MALRD1: variants seen among roughly 807,000 people sequenced by gnomAD.
MALRD1 encodes MAM and LDL receptor class A domain containing 1.
MALRD1 carries 247 observed loss-of-function variants against 242.1 expected under a neutral mutation model. That is an observed-to-expected ratio of 1.02 (90% CI 0.92 to 1.13). The LOEUF (loss-of-function observed/expected upper bound fraction) is 1.13, where lower values mean the gene tolerates loss of function less well. MALRD1 is among the 50% of genes most tolerant of loss of function. The pLI is 0.00. For synonymous variants in MALRD1, 995 were observed against 866.6 expected, an observed-to-expected ratio of 1.15 and a Z score of -2.60; for missense variants, 2,989 against 2,533.1, an observed-to-expected ratio of 1.18 and a Z score of -3.86.
chr10:19,467,273 T>G (rs1327450974), intron 29 of MALRD1, among the ~76,000 whole-genome samples: 2 of 150,050 alleles, frequency 1.3e-5, no homozygotes, highest in Admixed American at 1.3e-4. Context: ...GAGAATGGCG[T>G]GAACCCGGGA....
At chr10:19,251,153 T>C (rs1181561095) in intron 18 of MALRD1, among the ~76,000 whole-genome samples, 1 of 151,896 alleles carries the variant, frequency 6.6e-6, no homozygotes, top group East Asian at 1.9e-4. Flanking sequence ...AGTGTGCAGA[T>C]ACATTAGAAA....
At chr10:19,713,735 G>A (rs545903013) in intron 38 of MALRD1, among the ~76,000 whole-genome samples, 4 of 152,194 alleles carry the variant, frequency 2.6e-5, no homozygotes, top group African/African-American at 9.6e-5. Context: ...TGCAAGGAGA[G>A]AAAGTACTAG....
At chr10:19,201,925 C>T (rs987831262) in intron 14 of MALRD1, among the ~76,000 whole-genome samples, 1 of 152,062 alleles carries the variant, frequency 6.6e-6, no homozygotes, top group African/African-American at 2.4e-5. Context: ...AAGCGATTCT[C>T]CTGCCTCAGC....
In MALRD1 at chr10:19,168,152, A is replaced by G. The variant is rs536993982; in HGVS notation, c.1830+2342A>G. ...CTTCTTTACTCAGTGAAGGTCCCCA[A>G]CGTCCCTTCTCAAAGATCAATTTAT... On this transcript the variant is annotated intron_variant, in intron 13 of 39. Coordinates refer to ENST00000454679, the MANE Select transcript of MALRD1 (RefSeq NM_001142308.3). Among the ~76,000 whole-genome samples the G allele has an allele frequency of 4.6e-5, 7 of 152,328 alleles. No homozygotes were observed. The East Asian group carries it at 9.6e-4, about 21-fold the overall frequency.
intron 38 of MALRD1, among the ~76,000 whole-genome samples, chr10:19,703,239 ATC>A (rs1460592156): frequency 9.2e-5 from 14 of 152,298 alleles, no homozygotes; most frequent in African/African-American, 3.1e-4. Context: ...TCTGCCTCTC[ATC>A]TCTGTTTCTT....
intron 8 of MALRD1, 82 bp from the exon 9 acceptor site, chr10:19,133,774 A>G: frequency 1.9e-6 from 1 of 517,236 alleles, no homozygotes; most frequent in Non-Finnish European, 3.0e-6. Flanking sequence ...AATACCTACT[A>G]CAGTGTAATT....
At chr10:19,367,090 C>G (rs1845141464) in intron 26 of MALRD1, among the ~76,000 whole-genome samples, 1 of 152,144 alleles carries the variant, frequency 6.6e-6, no homozygotes. Context: ...ATATCCATTT[C>G]AAATGTGTAT....
At chr10:19,684,562 C>G (rs1414222259) in intron 36 of MALRD1, among the ~76,000 whole-genome samples, 2 of 152,036 alleles carry the variant, frequency 1.3e-5, no homozygotes, top group African/African-American at 4.8e-5. Flanking sequence ...TTGAGACCAG[C>G]CTGGTCAACA....
At chr10:19,458,996 C>A (rs1310913045) in intron 29 of MALRD1, among the ~76,000 whole-genome samples, 1 of 152,034 alleles carries the variant, frequency 6.6e-6, no homozygotes, top group Non-Finnish European at 1.5e-5. Flanking sequence ...GTGCAATCTA[C>A]TACCTAACAC....
intron 29 of MALRD1, among the ~76,000 whole-genome samples, chr10:19,464,725 T>C (rs1242338448): frequency 1.3e-5 from 2 of 152,146 alleles, no homozygotes; most frequent in Admixed American, 1.3e-4. Context: ...ATTTTAGGAT[T>C]GTTTTCTCTA....
intron 38 of MALRD1, among the ~76,000 whole-genome samples, chr10:19,697,725 C>G (rs1833443972): frequency 6.6e-6 from 1 of 152,280 alleles, no homozygotes; most frequent in South Asian, 2.1e-4. Flanking sequence ...AGAGCCACCT[C>G]TCTTGCTCTC....
At chr10:19,673,247 C>T (rs958286207) in intron 36 of MALRD1, among the ~76,000 whole-genome samples, 1 of 152,006 alleles carries the variant, frequency 6.6e-6, no homozygotes, top group Non-Finnish European at 1.5e-5. Flanking sequence ...ATTAACCGGG[C>T]ATGGTGGCGG....
intron 36 of MALRD1, among the ~76,000 whole-genome samples, chr10:19,690,402 T>A (rs1842767489): frequency 6.6e-6 from 1 of 152,036 alleles, no homozygotes; most frequent in Non-Finnish European, 1.5e-5. Context: ...AGATTCCAAT[T>A]CCTTTGTTTT....
At chr10:19,422,497 G>A (rs938897496) in intron 28 of MALRD1, among the ~76,000 whole-genome samples, 1 of 152,124 alleles carries the variant, frequency 6.6e-6, no homozygotes, top group Non-Finnish European at 1.5e-5. Context: ...TATAAGGATA[G>A]TAAAGATAAT....
intron 30 of MALRD1, among the ~76,000 whole-genome samples, chr10:19,492,635 T>C (rs1837543690): frequency 6.6e-6 from 1 of 152,200 alleles, no homozygotes; most frequent in Admixed American, 6.5e-5. Context: ...AGGGCTGGCT[T>C]CTACTAGAAA....
chr10:19,136,960 A>G (rs999567066), intron 10 of MALRD1, among the ~76,000 whole-genome samples, 179 bp downstream of exon 10: 2 of 152,108 alleles, frequency 1.3e-5, no homozygotes, highest in African/African-American at 4.8e-5. Flanking sequence ...TTTTAACTTA[A>G]TGTTTTGGTG....
chr10:19,706,426 C>T (rs973848632), intron 38 of MALRD1, among the ~76,000 whole-genome samples: 67 of 152,238 alleles, frequency 4.4e-4, no homozygotes, highest in South Asian at 2.3e-3. Context: ...CCCCGCCCCC[C>T]TTGGCCCCGG....
chr10:19,392,149 A>G (rs73593898), intron 28 of MALRD1, among the ~76,000 whole-genome samples: 3,206 of 152,324 alleles, frequency 0.021, 103 homozygotes, highest in African/African-American at 0.072. Context: ...TATGTCATTT[A>G]TAGAACACCA....
At chr10:19,520,382 GT>G (rs1378745097) in intron 31 of MALRD1, among the ~76,000 whole-genome samples, 1 of 149,750 alleles carries the variant, frequency 6.7e-6, no homozygotes, top group Non-Finnish European at 1.5e-5. Context: ...AAACAAGTAT[GT>G]TTTTTCTGTC....
Sources: allele counts gnomAD v4.1 joint callset (sites outside exome capture counted in the v4.1 genomes callset), GRCh38; gene constraint gnomAD v4.1.1; transcripts MANE v1.5; gene names NCBI Gene and HGNC (gene_info 2026-07-23, HGNC 2026-07-21).